Variants in SLC22A24 observed in about 807,000 individuals in gnomAD.
SLC22A24 encodes the protein steroid transmembrane transporter SLC22A24.
A neutral mutation model predicts 49.8 loss-of-function variants in SLC22A24; 53 were observed. The observed-to-expected ratio is 1.06, with a 90% CI of 0.85 to 1.34. The LOEUF (loss-of-function observed/expected upper bound fraction) is 1.34, where lower values mean the gene tolerates loss of function less well. SLC22A24 is among the 40% of genes most tolerant of loss of function. The probability of loss-of-function intolerance (pLI) is 0.00; values close to 1 mark genes in which losing one functional copy is unlikely to be tolerated. For synonymous variants in SLC22A24, 302 were observed against 256.4 expected (o/e 1.18, Z -1.70); for missense variants, 786 against 675.9 (o/e 1.16, Z -1.81).
intron 5 of SLC22A24, among the ~76,000 whole-genome samples, chr11:63,101,619 T>C (rs1286568766): frequency 6.6e-6 from 1 of 152,078 alleles, no homozygotes; most frequent in Non-Finnish European, 1.5e-5. Flanking sequence ...GAAATCAATA[T>C]TTGAAGAGAT....
intron 4 of SLC22A24, among the ~76,000 whole-genome samples, chr11:63,108,626 C>T (rs2087139035): frequency 6.6e-6 from 1 of 152,116 alleles, no homozygotes; most frequent in Non-Finnish European, 1.5e-5. Flanking sequence ...TTGGTCTATT[C>T]AGAGATTCAA....
At chr11:63,097,840 G>A (rs1360588118) in intron 5 of SLC22A24, among the ~76,000 whole-genome samples, 1 of 152,026 alleles carries the variant, frequency 6.6e-6, no homozygotes, top group Non-Finnish European at 1.5e-5. Flanking sequence ...AACACCATGA[G>A]TTTTCACTCA....
At chr11:63,111,610 C>T (rs2087165531) in intron 4 of SLC22A24, among the ~76,000 whole-genome samples, 1 of 151,082 alleles carries the variant, frequency 6.6e-6, no homozygotes, top group African/African-American at 2.4e-5. Flanking sequence ...TTATCCATTT[C>T]TTCTAGATTT....
intron 4 of SLC22A24, among the ~76,000 whole-genome samples, chr11:63,109,474 G>A (rs1424792402): frequency 5.6e-5 from 8 of 143,634 alleles, no homozygotes; most frequent in Non-Finnish European, 1.1e-4. Context: ...CAGTGTAAAA[G>A]TGTTCCTATT....
intron 2 of SLC22A24, among the ~76,000 whole-genome samples, chr11:63,129,491 GT>G (rs946925624): frequency 6.6e-6 from 1 of 152,058 alleles, no homozygotes; most frequent in South Asian, 2.1e-4. Flanking sequence ...TTTTAAAGTA[GT>G]TTTTTTTCCA....
chr11:63,088,982 C>T (rs2087003252), intron 6 of SLC22A24, among the ~76,000 whole-genome samples: 1 of 152,052 alleles, frequency 6.6e-6, no homozygotes, highest in African/African-American at 2.4e-5. Context: ...CAGAATGAAC[C>T]AAACTGGAAA....
At position 63,107,861 on chromosome 11, in the gene SLC22A24, C is replaced by T; in HGVS notation, c.831-3563G>A. ...GAGACAATGGGGTTTTCTAGATATA[C>T]AATCATGTCATCTGCAAACATGGAC... is the stretch of plus-strand genomic sequence containing the variant. On this transcript the variant is annotated intron_variant, in intron 4 of 9. Transcript: ENST00000612278. 1.3e-5 allele frequency among the ~76,000 whole-genome samples: 2 copies of T among 152,034 alleles called. 1 individual carries two copies. The highest frequency in any genetic ancestry group is 2.9e-5 in the Non-Finnish European group (2 of 68,012).
chr11:63,083,752 G>A (rs2086972588), intron 6 of SLC22A24, among the ~76,000 whole-genome samples: 1 of 152,206 alleles, frequency 6.6e-6, no homozygotes, highest in African/African-American at 2.4e-5. Flanking sequence ...TATTATCAAT[G>A]AAAGTTAAAA....
intron 9 of SLC22A24, 58 bp from the exon 10 acceptor site, chr11:63,080,058 T>C (rs2086950358): frequency 1.7e-6 from 2 of 1,164,908 alleles, no homozygotes; most frequent in Admixed American, 2.0e-5. Context: ...AAATAAGATA[T>C]AGATTAAGCA....
rs781271737 is a variant in SLC22A24, at chr11:63,081,147, A to G, written c.1395-24T>C. 5.9e-5 allele frequency: 91 copies of G among 1,538,404 alleles called. 1 individual carries two copies. In the Admixed American group the frequency reaches 1.2e-3, roughly 20 times the overall value. ...ACCTTAGAGTGCAAATAACAATACA[A>G]AAAATCTTGTATGAATCTGTACATG... is the stretch of plus-strand genomic sequence containing the variant. On this transcript the variant is annotated intron_variant, in intron 8 of 9. Transcript: ENST00000612278.
intron 5 of SLC22A24, among the ~76,000 whole-genome samples, chr11:63,103,536 A>G (rs1040540899): frequency 9.2e-5 from 14 of 152,166 alleles, no homozygotes; most frequent in Non-Finnish European, 1.5e-5. Context: ...TTTTAAAGGA[A>G]TGAGTGAAAG....
At chr11:63,132,660 T>C (rs2087345115) in intron 2 of SLC22A24, among the ~76,000 whole-genome samples, 1 of 152,128 alleles carries the variant, frequency 6.6e-6, no homozygotes, top group Non-Finnish European at 1.5e-5. Flanking sequence ...TGCTGCCTGA[T>C]CCCTCCTCTG....
chr11:63,122,764 C>T (rs112879949), intron 2 of SLC22A24, among the ~76,000 whole-genome samples: 4,348 of 152,218 alleles, frequency 0.029, 199 homozygotes, highest in African/African-American at 0.1. Context: ...TCGTGATCCG[C>T]TAGCCTCGGC....
chr11:63,119,815 ATCAC>A (rs1415789115), intron 2 of SLC22A24, among the ~76,000 whole-genome samples: 1 of 152,150 alleles, frequency 6.6e-6, no homozygotes, highest in African/African-American at 2.4e-5. Context: ...CTGCATAACA[ATCAC>A]TCAGCTATGT....
In SLC22A24 at chr11:63,139,197, A is replaced by G. The variant is rs116155468; in HGVS notation, c.402+4181T>C. On this transcript the variant is annotated intron_variant, in intron 1 of 9. Coordinates refer to ENST00000612278, the MANE Select transcript of SLC22A24 (RefSeq NM_001136506.2). ...TTTCTCCATTTTTTTTTGTCTTGCC[A>G]CTCTTAATGCACACACGAGGGGCCC... 1.9e-3 allele frequency among the ~76,000 whole-genome samples: 293 copies of G among 151,488 alleles called. 2 individuals carry two copies. Among genetic ancestry groups the G allele is most frequent in the African/African-American group, 6.3e-3 (262 of 41,300 alleles).
At chr11:63,133,283 C>A (rs2087349953) in intron 2 of SLC22A24, among the ~76,000 whole-genome samples, 1 of 152,214 alleles carries the variant, frequency 6.6e-6, no homozygotes, top group Non-Finnish European at 1.5e-5. Flanking sequence ...TGAGGCGGCA[C>A]CCCACCCTGC....
intron 4 of SLC22A24, among the ~76,000 whole-genome samples, chr11:63,112,463 C>T (rs1320907878): frequency 6.6e-6 from 1 of 151,952 alleles, no homozygotes; most frequent in Non-Finnish European, 1.5e-5. Flanking sequence ...TAAAGTCTCC[C>T]ATTATTATCG....
intron 5 of SLC22A24, among the ~76,000 whole-genome samples, chr11:63,098,333 G>C (rs2087068298): frequency 6.6e-6 from 1 of 152,098 alleles, no homozygotes; most frequent in Admixed American, 6.6e-5. Flanking sequence ...GGTACTAATT[G>C]CAAATTTATA....
intron 1 of SLC22A24, among the ~76,000 whole-genome samples, chr11:63,142,790 C>T (rs1349782703): frequency 6.6e-6 from 1 of 152,062 alleles, no homozygotes; most frequent in African/African-American, 2.4e-5. Flanking sequence ...ATGATTTCAG[C>T]CCTGATCAGT....
Sources: allele counts gnomAD v4.1 joint callset (sites outside exome capture counted in the v4.1 genomes callset), GRCh38; gene constraint gnomAD v4.1.1; transcripts MANE v1.5; gene names NCBI Gene and HGNC (gene_info 2026-07-23, HGNC 2026-07-21).